Variants in KCNMB3 observed in about 807,000 individuals in gnomAD.
The protein encoded by KCNMB3 is potassium calcium-activated channel subfamily M regulatory beta subunit 3, also known as calcium-activated potassium channel subunit beta-3.
In KCNMB3, 18 loss-of-function variants were observed where a neutral mutation model predicts 11.9. The observed-to-expected ratio is 1.51, with a 90% CI of 1.04 to 2.23. The LOEUF is 2.23. Ranked by LOEUF, KCNMB3 falls within the 30% of genes most tolerant of loss-of-function variation. The probability of loss-of-function intolerance (pLI) is 0.00; values close to 1 mark genes in which losing one functional copy is unlikely to be tolerated. For synonymous variants in KCNMB3, 78 were observed against 119.2 expected, an observed-to-expected ratio of 0.65 and a Z score of 2.25; for missense variants, 247 against 329.4, an observed-to-expected ratio of 0.75 and a Z score of 1.94.
At chr3:179,252,589 G>T (rs1725881886), upstream of KCNMB3, among the ~76,000 whole-genome samples, 1 of 152,088 alleles carries the variant, frequency 6.6e-6, no homozygotes. Flanking sequence ...AGAAGGTGGG[G>T]CACTCCATGG....
chr3:179,252,664 C>G (rs2108448502), upstream of KCNMB3, among the ~76,000 whole-genome samples: 1 of 151,798 alleles, frequency 6.6e-6, no homozygotes, highest in East Asian at 1.9e-4. Context: ...ATATTTTACT[C>G]ATCCCCTATC....
At chr3:179,240,351 A>G, downstream of KCNMB3, 1 of 305,842 alleles carries the variant, frequency 3.3e-6, no homozygotes, top group Non-Finnish European at 6.1e-6. Flanking sequence ...CTTTAAGCAT[A>G]AAGAATTATA....
At chr3:179,259,685 G>C in intron 1 of KCNMB3, 2 of 1,602,346 alleles carry the variant, frequency 1.2e-6, no homozygotes, top group Non-Finnish European at 1.7e-6. Context: ...CATCTTTAAG[G>C]GTTTCTATGG....
At chr3:179,261,268 G>A (rs1726199451) in intron 1 of KCNMB3, 1 of 1,305,076 alleles carries the variant, frequency 7.7e-7, no homozygotes, top group African/African-American at 1.6e-5. Context: ...CCGCGGGGCT[G>A]GTCAACCTGC....
upstream of KCNMB3, chr3:179,251,770 CA>C (rs796156360): frequency 1.1e-4 from 58 of 534,390 alleles, 2 homozygotes; most frequent in African/African-American, 9.0e-4. Flanking sequence ...CACTGTTGCC[CA>C]GGCTGGGTAC....
intron 1 of KCNMB3, among the ~76,000 whole-genome samples, chr3:179,247,389 A>T (rs1250268150): frequency 6.6e-6 from 1 of 152,076 alleles, no homozygotes; most frequent in Admixed American, 6.6e-5. Flanking sequence ...GAAAAAGAGG[A>T]AAAAAAGACA....
intron 1 of KCNMB3, chr3:179,260,360 G>T (rs1031981170): frequency 6.2e-7 from 1 of 1,613,994 alleles, no homozygotes; most frequent in East Asian, 2.2e-5. Context: ...CACCTGCTAA[G>T]GTTCCTAGGA....
chr3:179,256,226 A>C (rs1726005859), upstream of KCNMB3, among the ~76,000 whole-genome samples: 1 of 152,252 alleles, frequency 6.6e-6, no homozygotes, highest in African/African-American at 2.4e-5. Context: ...ACCTGACGTC[A>C]GGAGTTCCAG....
chr3:179,244,018 T>G (rs1263160725), intron 2 of KCNMB3, among the ~76,000 whole-genome samples: 7 of 152,220 alleles, frequency 4.6e-5, no homozygotes, highest in Non-Finnish European at 8.8e-5. Context: ...CTTTTATAGT[T>G]AGGTATAAAT....
Position 179,261,132 on chromosome 3 carries a change from G to T in KCNMB3, c.62+5517C>A. ...GGTCTCTCTTCTACCTCCTTCTGCT[G>T]CCGCTCCAGCTCCTTCATGGGGATC... On this transcript the variant is annotated intron_variant, in intron 1 of 3. Coordinates refer to the KCNMB3 transcript ENST00000349697. 2.3e-6 allele frequency: 3 copies of T among 1,322,394 alleles called. No individual in the cohort carries two copies. In the South Asian group the frequency reaches 3.8e-5, roughly 17 times the overall value. 81.9% of individuals were successfully genotyped at this position (1,322,394 alleles called of 1,614,324 possible). A position where few individuals can be genotyped will look rare whatever the true frequency, so the allele number is the denominator to read the frequency against.
chr3:179,250,938 T>C lies in KCNMB3; in HGVS notation c.53A>G (p.Gln18Arg), dbSNP rs202241065. ...LTAVSPSPFP[Q>R]RTAFPASGKK... ...CCCTGAGGCAGGAAAGGCTGTCCTT[T>C]GGGGAAAGGGAGAAGGAGATACTGC... The change falls in exon 1 of 3, where the codon CAA becomes CGA. Residue 18 changes from glutamine (Q) to arginine (R), a missense_variant. By Grantham distance (43) the Gln-to-Arg change is conservative (BLOSUM62 1). Transcript: ENST00000392685. 6 of 1,614,016 alleles carry C rather than the reference T, an allele frequency of 3.7e-6. No individual in the cohort carries two copies. In the African/African-American group the frequency reaches 6.7e-5, roughly 18 times the overall value.
At chr3:179,243,781 G>C (rs1725543419) in intron 2 of KCNMB3, among the ~76,000 whole-genome samples, 1 of 152,180 alleles carries the variant, frequency 6.6e-6, no homozygotes, top group South Asian at 2.1e-4. Flanking sequence ...GTTCCTGGGA[G>C]ACAGAACCAG....
intron 1 of KCNMB3, among the ~76,000 whole-genome samples, chr3:179,247,475 A>T (rs551321235): frequency 6.6e-6 from 1 of 152,246 alleles, no homozygotes; most frequent in South Asian, 2.1e-4. Context: ...AGCCTGGACA[A>T]CATAGTGAGA....
At chr3:179,265,813 A>T (rs148736641) in intron 1 of KCNMB3, among the ~76,000 whole-genome samples, 1 of 152,220 alleles carries the variant, frequency 6.6e-6, no homozygotes, top group Non-Finnish European at 1.5e-5. Flanking sequence ...TCTTCTCTCC[A>T]TTTTGGTTCC....
Position 179,244,570 on chromosome 3 carries a change from C to T in KCNMB3, c.372G>A (p.Val124=). Residue 124 remains valine, a synonymous_variant, in exon 2 of 3, where the codon GTG becomes GTA. Transcript: ENST00000392685. The part of the protein sequence containing the change: ...HGQGKYPCLQ[V]FVNLSHPGQK... The stretch of plus-strand genomic sequence containing the variant: ...GACCTGGATGGCTGAGGTTCACAAA[C>T]ACCTGAAGACACGGGTACTTCCCCT... 6.2e-7 allele frequency: 1 copy of T among 1,614,172 alleles called. No homozygotes were observed.
At chr3:179,265,025 C>T (rs144655571) in intron 1 of KCNMB3, among the ~76,000 whole-genome samples, 2 of 152,154 alleles carry the variant, frequency 1.3e-5, no homozygotes, top group African/African-American at 4.8e-5. Flanking sequence ...AAATGGGATA[C>T]AGTAGTTTGC....
Position 179,243,028 on chromosome 3 carries a change from A to G in KCNMB3, c.704T>C (p.Leu235Ser). 6.2e-7 allele frequency: 1 copy of G among 1,600,490 alleles called. No homozygotes were observed. Among genetic ancestry groups the G allele is most frequent in the Non-Finnish European group, 8.5e-7 (1 of 1,174,490 alleles). Reference sequence around the variant, plus strand: ...TACAGTGCTATATTTTTCACACAGTAAGGACAGGTGTTGTGTTAATCTCAC... The same window carrying G: ...TACAGTGCTATATTTTTCACACAGTGAGGACAGGTGTTGTGTTAATCTCAC... ...GMVRLTQHLS[L>S]LCEKYSTVVR... Residue 235 changes from leucine to serine, a missense_variant, in exon 3 of 3, where the codon TTA becomes TCA. Leu to Ser is a moderately radical substitution (Grantham distance 145). This residue lies in a region of KCNMB3 where 87 missense variants were observed against 171.9 expected (regional missense o/e 0.51). Transcript: ENST00000392685.
At chr3:179,259,125 A>G in intron 1 of KCNMB3, 1 of 1,581,230 alleles carries the variant, frequency 6.3e-7, no homozygotes, top group Non-Finnish European at 8.6e-7. Context: ...TGGTGCCAAC[A>G]AGTCATGGTT....
In KCNMB3 at chr3:179,250,801, A is replaced by G. The variant is rs776482123; in HGVS notation, c.190T>C (p.Phe64Leu). The change falls in exon 1 of 3, where the codon TTC becomes CTC. Residue 64 changes from phenylalanine to leucine, a missense_variant. By Grantham distance (22) the Phe-to-Leu change is conservative. This residue lies in a region of KCNMB3 where 160 missense variants were observed against 157.5 expected (regional missense o/e 1.02). Transcript: ENST00000392685. ...AVMLGFAMMG[F>L]SVLMFFLLGT... ...AGCAAGAAGAACATTAGGACTGAGA[A>G]GCCCATCATGGCAAACCCCAGCATC... 25 of 1,614,094 alleles carry G rather than the reference A, an allele frequency of 1.5e-5. No individual in the cohort carries two copies. Among genetic ancestry groups the G allele is most frequent in the Non-Finnish European group, 2.0e-5 (24 of 1,180,052 alleles).
Sources: gnomAD v4.1 joint callset for allele counts (sites outside exome capture counted in the v4.1 genomes callset) on GRCh38, gnomAD v4.1.1 for gene constraint, gnomAD v4.1.1 regional missense constraint, MANE v1.5 for transcripts, NCBI Gene and HGNC (gene_info 2026-07-23, HGNC 2026-07-21) for gene names.